The following LRP8 variants were observed in gnomAD, a reference collection of about 807,000 sequenced individuals.
LRP8 encodes low-density lipoprotein receptor-related protein 8.
Under a neutral mutation model 111.6 loss-of-function variants are expected in LRP8, and 46 were observed. That is an observed-to-expected ratio of 0.41 (90% CI 0.33 to 0.53). The LOEUF is 0.53. LRP8 is among the 20% of genes least tolerant of loss of function. LRP8 has a pLI of 0.20. For synonymous variants in LRP8, 464 were observed against 511.2 expected (o/e 0.91, Z 1.24); for missense variants, 959 against 1,297.4 (o/e 0.74, Z 4.01).
intron 13 of LRP8, among the ~76,000 whole-genome samples, chr1:53,259,128 T>C (rs937387275): frequency 6.6e-6 from 1 of 152,218 alleles, no homozygotes; most frequent in Non-Finnish European, 1.5e-5. Context: ...TGTTTTATGT[T>C]TTGAGACAGG....
At chr1:53,316,066 C>T (rs185266417) in intron 2 of LRP8, among the ~76,000 whole-genome samples, 1 of 152,234 alleles carries the variant, frequency 6.6e-6, no homozygotes, top group Non-Finnish European at 1.5e-5. Flanking sequence ...GAAGAACCGA[C>T]TGGCTCATGG....
At chr1:53,264,473 C>A in intron 9 of LRP8, 77 bp from the exon 10 acceptor site, 1 of 1,146,206 alleles carries the variant, frequency 8.7e-7, no homozygotes, top group South Asian at 1.4e-5. Flanking sequence ...TGCACCCTTC[C>A]CCTCTCTTCC....
At chr1:53,258,506 C>T in intron 13 of LRP8, 35 bp from the exon 14 acceptor site, 6 of 1,600,896 alleles carry the variant, frequency 3.7e-6, no homozygotes, top group Non-Finnish European at 5.1e-6. Context: ...GGGGCACAGA[C>T]AGGACATGCC....
chr1:53,262,372 A>G lies in LRP8; in HGVS notation c.1774+74T>C, dbSNP rs1390589611. ...CACCATGAGAGGACCCAGAAACAAG[A>G]CTCATGGAGTTCCAGACAGTGATCA... is the stretch of plus-strand genomic sequence containing the variant. On this transcript the variant is annotated intron_variant, in intron 11 of 18. Transcript: ENST00000306052. This position sits in a 1 kb window ranked among gnomAD's most constrained non-coding sequence, Gnocchi z 4.8. The G allele has an allele frequency of 2.0e-6, 3 of 1,531,818 alleles. No homozygotes were observed. The highest frequency in any genetic ancestry group is 2.7e-6 in the Non-Finnish European group (3 of 1,109,892). The allele number at this position is 1,531,818 out of a possible 1,614,324, so 94.9% of individuals were successfully genotyped here.
intron 5 of LRP8, 31 bp downstream of exon 5, chr1:53,276,661 G>T: frequency 6.7e-7 from 1 of 1,484,670 alleles, no homozygotes; most frequent in Non-Finnish European, 9.0e-7. Context: ...GCAATCCCTG[G>T]GCGGGGCTGG....
rs748855944 is a variant in LRP8 at position 53,289,703 on chromosome 1, AAG to A, written c.245-16_245-15del. Reference sequence around the variant, plus strand: ...AGGTCTTCTTGGCTGCAGGGCAAGGAAGAGAGCGTGGTGAGCCTGGGAGCAGT... The same window carrying A: ...AGGTCTTCTTGGCTGCAGGGCAAGGAAGAGCGTGGTGAGCCTGGGAGCAGT... On this transcript the variant is annotated splice_polypyrimidine_tract_variant and intron_variant, in intron 2 of 18. Transcript: ENST00000306052. The A allele has an allele frequency of 1.9e-5, 31 of 1,613,316 alleles. No individual in the cohort carries two copies. Among genetic ancestry groups the A allele is most frequent in the Non-Finnish European group, 2.5e-5 (29 of 1,179,628 alleles).
intron 3 of LRP8, chr1:53,289,334 T>C (rs1038810362): frequency 4.5e-6 from 2 of 443,142 alleles, no homozygotes; most frequent in Non-Finnish European, 7.8e-6. Flanking sequence ...CAGGGCTGTT[T>C]CTAGCTCCTG....
At chr1:53,272,648 A>C (rs1646795396) in intron 6 of LRP8, 1 of 1,289,432 alleles carries the variant, frequency 7.8e-7, no homozygotes, top group African/African-American at 1.5e-5. Context: ...CGGAACTGAA[A>C]GAACAAGACC....
intron 15 of LRP8, among the ~76,000 whole-genome samples, chr1:53,256,715 T>G (rs1646101794): frequency 6.6e-6 from 1 of 152,226 alleles, no homozygotes; most frequent in African/African-American, 2.4e-5. Context: ...ATTTAATAAG[T>G]GGTGAACTTA....
At chr1:53,299,465 C>T (rs777567433) in intron 2 of LRP8, among the ~76,000 whole-genome samples, 51 of 152,234 alleles carry the variant, frequency 3.4e-4, no homozygotes, top group Non-Finnish European at 6.3e-4. Context: ...AAATCCATCT[C>T]CTGGTGTGGG....
At position 53,255,123 on chromosome 1, in the gene LRP8, G is replaced by T; in HGVS notation, c.2497C>A (p.Pro833Thr). 6.2e-7 allele frequency: 1 copy of T among 1,613,412 alleles called. No individual in the cohort carries two copies. Among genetic ancestry groups the T allele is most frequent in the Non-Finnish European group, 8.5e-7 (1 of 1,179,864 alleles). Residue 833 changes from proline to threonine, a missense_variant, in exon 16 of 19, where the codon CCC becomes ACC. By Grantham distance (38) the Pro-to-Thr change is conservative. Around this residue, in one of 3 missense-constraint regions of LRP8, gnomAD observed 819 missense variants for 1,097.6 expected, o/e 0.75. Coordinates refer to ENST00000306052, the MANE Select transcript of LRP8 (RefSeq NM_004631.5). ...GACTGGGGGCCACACTCACCTATGG[G>T]CACGATGATCCCGATAACAGCGGCA... is the stretch of plus-strand genomic sequence containing the variant. ...VTAAVIGIIV[P>T]IVVIALLCMS...
chr1:53,288,717 A>T (rs868162135), intron 3 of LRP8, among the ~76,000 whole-genome samples: 1 of 151,936 alleles, frequency 6.6e-6, no homozygotes, highest in Admixed American at 6.6e-5. Flanking sequence ...CGCCAGCCCC[A>T]CTATCCTCCA....
At chr1:53,313,611 G>A (rs1428599002) in intron 2 of LRP8, among the ~76,000 whole-genome samples, 1 of 152,200 alleles carries the variant, frequency 6.6e-6, no homozygotes, top group Non-Finnish European at 1.5e-5. Context: ...GACTCCAGAG[G>A]TCAGGTGAGG....
chr1:53,273,334 T>A (rs757653368), intron 6 of LRP8, among the ~76,000 whole-genome samples: 1 of 152,216 alleles, frequency 6.6e-6, no homozygotes, highest in Non-Finnish European at 1.5e-5. Context: ...CCAGCTTATG[T>A]GCAGAGCACA....
At position 53,246,794 on chromosome 1, in the gene LRP8, G is replaced by A; in HGVS notation, c.*224C>T. ...TGGGTAGTGCAACCAGTTAAAAAGT[G>A]TATAAAACATTATACATAGAAAAAC... On this transcript the variant is annotated 3_prime_UTR_variant, in exon 19 of 19. Transcript: ENST00000306052. The A allele has an allele frequency of 1.9e-6, 1 of 532,236 alleles. No homozygotes were observed. Among genetic ancestry groups the A allele is most frequent in the Non-Finnish European group, 3.3e-6 (1 of 306,424 alleles). The allele number at this position is 532,236 out of a possible 1,614,324, so 33.0% of individuals were successfully genotyped here.
At position 53,266,720 on chromosome 1, in the gene LRP8, A is replaced by G; in HGVS notation, c.1253-73T>C. 3.6e-6 allele frequency: 5 copies of G among 1,403,716 alleles called. No homozygotes were observed. Among genetic ancestry groups the G allele is most frequent in the Non-Finnish European group, 3.0e-6 (3 of 997,142 alleles). The allele number at this position is 1,403,716 out of a possible 1,614,324, so 87.0% of individuals were successfully genotyped here. The stretch of plus-strand genomic sequence containing the variant: ...GGAGCCTGGAGACCAAGACTCTGCC[A>G]CTGGCTTGCTGGCTGACACATCCAT... On this transcript the variant is annotated intron_variant, in intron 8 of 18. Transcript: ENST00000306052. The surrounding 1 kb of genome is among the most constrained non-coding windows in gnomAD (Gnocchi z 5.0).
intron 3 of LRP8, among the ~76,000 whole-genome samples, chr1:53,288,835 A>G (rs1371926654): frequency 1.3e-5 from 2 of 152,146 alleles, no homozygotes; most frequent in Non-Finnish European, 2.9e-5. Flanking sequence ...AATTTAACAA[A>G]TGTCACAGAA....
At chr1:53,300,889 C>T (rs1650701962) in intron 2 of LRP8, among the ~76,000 whole-genome samples, 1 of 152,220 alleles carries the variant, frequency 6.6e-6, no homozygotes, top group African/African-American at 2.4e-5. Flanking sequence ...TTGGACATGC[C>T]CCTTACCCTC....
chr1:53,320,282 T>C (rs1237696264), intron 2 of LRP8, among the ~76,000 whole-genome samples: 2 of 152,144 alleles, frequency 1.3e-5, no homozygotes, highest in African/African-American at 4.8e-5. Context: ...AAGGCTTGTG[T>C]CCACCCCTCA....
Sources: gnomAD v4.1 joint callset for allele counts (sites outside exome capture counted in the v4.1 genomes callset) on GRCh38, gnomAD v4.1.1 for gene constraint, gnomAD v4.1.1 regional missense constraint, Gnocchi (gnomAD v3.1) non-coding constraint, MANE v1.5 for transcripts, NCBI Gene and HGNC (gene_info 2026-07-23, HGNC 2026-07-21) for gene names.